The following HERC1 variants were observed in gnomAD, a reference collection of about 807,000 sequenced individuals.
HERC1 encodes the protein probable E3 ubiquitin-protein ligase HERC1.
In HERC1, 160 loss-of-function variants were observed where a neutral mutation model predicts 554.3. The observed-to-expected ratio is 0.29, with a 90% CI of 0.25 to 0.33. HERC1 has a LOEUF of 0.33. HERC1 is among the 10% of genes least tolerant of loss of function. The pLI is 1.00. For missense variants in HERC1, 4,919 were observed against 5,918.5 expected (o/e 0.83, Z 5.54); for synonymous variants, 2,175 against 2,131.7 (o/e 1.02, Z -0.56).
chr15:63,628,302 GT>G (rs2068394696), intron 70 of HERC1, among the ~76,000 whole-genome samples: 1 of 152,140 alleles, frequency 6.6e-6, no homozygotes, highest in East Asian at 1.9e-4. Context: ...TGAGGCAGCA[GT>G]CATTTGAACC....
At chr15:63,709,306 G>T (rs923192818) in intron 24 of HERC1, among the ~76,000 whole-genome samples, 16 of 151,964 alleles carry the variant, frequency 1.1e-4, no homozygotes, top group Non-Finnish European at 1.6e-4. Context: ...CACTGCGCCT[G>T]GCCCAATCTT....
intron 1 of HERC1, among the ~76,000 whole-genome samples, chr15:63,827,566 A>G (rs2145998123): frequency 6.6e-6 from 1 of 152,318 alleles, no homozygotes; most frequent in South Asian, 2.1e-4. Flanking sequence ...AGAAGGGAAC[A>G]GGAAAACAAT....
chr15:63,675,209 T>A, intron 37 of HERC1, 92 bp from the exon 38 acceptor site: 1 of 1,020,032 alleles, frequency 9.8e-7, no homozygotes, highest in Non-Finnish European at 1.4e-6. Flanking sequence ...ATAAGGTGCA[T>A]CATGTACACA....
intron 39 of HERC1, among the ~76,000 whole-genome samples, chr15:63,670,211 A>G (rs2070835715): frequency 2.0e-5 from 3 of 152,352 alleles, no homozygotes; most frequent in Middle Eastern, 6.8e-3. Context: ...ACTGCAAAAC[A>G]GTACATGAAT....
chr15:63,668,736 T>C (rs973491768), intron 40 of HERC1, among the ~76,000 whole-genome samples: 2 of 152,162 alleles, frequency 1.3e-5, no homozygotes, highest in Non-Finnish European at 2.9e-5. Flanking sequence ...GTAAGAATCC[T>C]AAATGTTTAT....
At chr15:63,630,268 CA>C (rs1394493052) in intron 69 of HERC1, among the ~76,000 whole-genome samples, 197 bp downstream of exon 69, 1 of 152,148 alleles carries the variant, frequency 6.6e-6, no homozygotes. Flanking sequence ...TGTTTTAAAC[CA>C]TGGTATAATA....
chr15:63,737,400 GATATAT>G (rs548556435), intron 12 of HERC1, among the ~76,000 whole-genome samples: 1 of 74,450 alleles, frequency 1.3e-5, no homozygotes, highest in African/African-American at 5.3e-5. Flanking sequence ...CGTTTTTCCA[GATATAT>G]ATATATATAT....
chr15:63,832,196 A>G (rs1409359268), intron 1 of HERC1, among the ~76,000 whole-genome samples: 1 of 152,158 alleles, frequency 6.6e-6, no homozygotes, highest in East Asian at 1.9e-4. Flanking sequence ...TCCTAATGCT[A>G]TCTTTTCTCA....
intron 1 of HERC1, among the ~76,000 whole-genome samples, chr15:63,817,716 A>T (rs1052967940): frequency 7.2e-5 from 11 of 152,180 alleles, no homozygotes; most frequent in African/African-American, 2.7e-4. Flanking sequence ...CTCTGTCTCA[A>T]ATAATAATAA....
intron 57 of HERC1, among the ~76,000 whole-genome samples, chr15:63,644,328 G>A (rs1472279037): frequency 6.6e-6 from 1 of 152,206 alleles, no homozygotes; most frequent in Non-Finnish European, 1.5e-5. Context: ...GCCACTCAGT[G>A]TTTTAAACAA....
intron 25 of HERC1, among the ~76,000 whole-genome samples, chr15:63,702,769 G>C (rs1012937090): frequency 3.3e-5 from 5 of 152,170 alleles, no homozygotes; most frequent in Admixed American, 2.0e-4. Context: ...TATTGCCTCT[G>C]AGGTGCTAAG....
intron 46 of HERC1, 62 bp downstream of exon 46, chr15:63,660,911 T>C: frequency 2.0e-6 from 2 of 979,242 alleles, no homozygotes; most frequent in East Asian, 2.4e-5. Flanking sequence ...TAGTAACAGA[T>C]GTTAAGCAGA....
intron 69 of HERC1, 86 bp from the exon 70 acceptor site, chr15:63,628,901 G>T: frequency 7.7e-7 from 1 of 1,307,028 alleles, no homozygotes. Context: ...GATGGTGGCA[G>T]ACATAAATAA....
At chr15:63,616,339 G>C in intron 75 of HERC1, 91 bp downstream of exon 75, 1 of 1,348,824 alleles carries the variant, frequency 7.4e-7, no homozygotes, top group South Asian at 1.3e-5. Context: ...ACAGCAAGTG[G>C]AAGACTGTAT....
At chr15:63,789,160 G>T (rs1469076088) in intron 1 of HERC1, among the ~76,000 whole-genome samples, 3 of 125,578 alleles carry the variant, frequency 2.4e-5, no homozygotes, top group Non-Finnish European at 4.8e-5. Context: ...GTGCAATCTC[G>T]GCTCACTGCA....
chr15:63,708,564 C>T (rs972061559), intron 24 of HERC1, among the ~76,000 whole-genome samples: 4 of 152,110 alleles, frequency 2.6e-5, no homozygotes, highest in Non-Finnish European at 5.9e-5. Context: ...TGACACCTGT[C>T]AAACAGTTAA....
At position 63,810,270 on chromosome 15, in the gene HERC1, T is replaced by C. The variant is rs192808757; in HGVS notation, c.-27+23557A>G. Among the ~76,000 whole-genome samples the C allele has an allele frequency of 1.1e-4, 16 of 152,266 alleles. No homozygotes were observed. The East Asian group carries it at 1.3e-3, about 13-fold the overall frequency. On this transcript the variant is annotated intron_variant, in intron 1 of 77. Transcript: ENST00000443617. The stretch of plus-strand genomic sequence containing the variant: ...TAATCAAAAGGCAGAAATAGACCAA[T>C]TGTCCATCAACAGATGAATGGATAA...
intron 3 of HERC1, among the ~76,000 whole-genome samples, chr15:63,761,606 C>T (rs2075614539): frequency 6.8e-6 from 1 of 147,948 alleles, no homozygotes; most frequent in South Asian, 2.1e-4. Flanking sequence ...AAAAAAAATG[C>T]AGAGAGTATG....
At chr15:63,772,645 A>G (rs1367492354) in intron 2 of HERC1, among the ~76,000 whole-genome samples, 7 of 152,060 alleles carry the variant, frequency 4.6e-5, no homozygotes, top group Admixed American at 3.3e-4. Context: ...AAATGAGAGG[A>G]TTTGAATATT....
Sources: gnomAD v4.1 joint callset for allele counts (sites outside exome capture counted in the v4.1 genomes callset) on GRCh38, gnomAD v4.1.1 for gene constraint, MANE v1.5 for transcripts, NCBI Gene and HGNC (gene_info 2026-07-23, HGNC 2026-07-21) for gene names.